FIRRM: variants seen among roughly 807,000 people sequenced by gnomAD.
FIRRM encodes the protein FIGNL1-interacting regulator of recombination and mitosis.
At chr1:169,823,537 T>A in the FIRRM span, 2 of 874,008 alleles carry the variant, frequency 2.3e-6, no homozygotes, top group Non-Finnish European at 3.5e-6. Context: ...AGTGCTTAAG[T>A]ACCTACCATT....
chr1:169,821,612 G>T, the FIRRM span: 1 of 1,181,242 alleles, frequency 8.5e-7, no homozygotes, highest in Non-Finnish European at 1.2e-6. Flanking sequence ...TGTCTCATTT[G>T]TAAGCTTAGC....
the FIRRM span, among the ~76,000 whole-genome samples, chr1:169,844,501 C>T: frequency 6.6e-6 from 1 of 152,096 alleles, no homozygotes; most frequent in Non-Finnish European, 1.5e-5. Flanking sequence ...TGAAGATGAT[C>T]GAAGAGATGA....
chr1:169,853,578 G>T, the FIRRM span: 1 of 886,220 alleles, frequency 1.1e-6, no homozygotes, highest in Non-Finnish European at 1.8e-6. Context: ...AGTTGGCACA[G>T]ACTGGATAAT....
chr1:169,792,893 C>T, the FIRRM span: 1 of 1,614,112 alleles, frequency 6.2e-7, no homozygotes, highest in Non-Finnish European at 8.5e-7. Flanking sequence ...AGACCACTCA[C>T]CAGAAAAAAA....
At chr1:169,785,555 C>T in the FIRRM span, among the ~76,000 whole-genome samples, 58 of 152,048 alleles carry the variant, frequency 3.8e-4, no homozygotes, top group Non-Finnish European at 6.6e-4. Context: ...GTCCAGCAGC[C>T]GATCTCCTCT....
At chr1:169,852,959 T>TA in the FIRRM span, 1 of 1,613,954 alleles carries the variant, frequency 6.2e-7, no homozygotes, top group Admixed American at 1.7e-5. Flanking sequence ...ATGGATAAGC[T>TA]AAAACGTTAC....
At chr1:169,853,640 G>A in the FIRRM span, 1 of 1,531,544 alleles carries the variant, frequency 6.5e-7, no homozygotes, top group South Asian at 1.1e-5. Flanking sequence ...TTGTCCCAAA[G>A]CCTGCTTTTG....
the FIRRM span, chr1:169,853,786 A>G: frequency 6.2e-7 from 1 of 1,613,768 alleles, no homozygotes; most frequent in Non-Finnish European, 8.5e-7. Flanking sequence ...CAACAAAATA[A>G]AGCACACCAA....
At chr1:169,806,789 C>CTGAG in the FIRRM span, among the ~76,000 whole-genome samples, 121 of 152,332 alleles carry the variant, frequency 7.9e-4, no homozygotes, top group Non-Finnish European at 3.2e-4. Context: ...TTTACTCCTT[C>CTGAG]TGAGCCCTTG....
chr1:169,852,608 A>G, the FIRRM span: 1 of 623,274 alleles, frequency 1.6e-6, no homozygotes, highest in Non-Finnish European at 2.8e-6. Flanking sequence ...AATTGCTATG[A>G]TAAACCAAAA....
chr1:169,830,448 T>A, the FIRRM span: 2 of 1,065,500 alleles, frequency 1.9e-6, no homozygotes, highest in Non-Finnish European at 2.8e-6. Flanking sequence ...AATAATCCTT[T>A]AAAAATAATT....
the FIRRM span, chr1:169,842,581 A>G: frequency 5.0e-6 from 8 of 1,596,998 alleles, no homozygotes; most frequent in Admixed American, 5.3e-5. Context: ...AAAAATAGAA[A>G]ATATCAAAAA....
At chr1:169,809,734 CA>C in the FIRRM span, among the ~76,000 whole-genome samples, 1 of 152,134 alleles carries the variant, frequency 6.6e-6, no homozygotes, top group Non-Finnish European at 1.5e-5. Flanking sequence ...GCTTACTGTC[CA>C]TTGCCTGAAA....
At chr1:169,813,956 ACT>A in the FIRRM span, among the ~76,000 whole-genome samples, 36 of 152,244 alleles carry the variant, frequency 2.4e-4, no homozygotes, top group African/African-American at 8.7e-4. Flanking sequence ...AGGCCTGTTG[ACT>A]CTGTTTTAGT....
the FIRRM span, among the ~76,000 whole-genome samples, chr1:169,804,589 G>A: frequency 0.19 from 28,233 of 151,946 alleles, 2,787 homozygotes; most frequent in South Asian, 0.26. Flanking sequence ...ATATAAATAC[G>A]TGCATATGTG....
chr1:169,844,277 C>G, the FIRRM span, among the ~76,000 whole-genome samples: 2 of 152,210 alleles, frequency 1.3e-5, no homozygotes, highest in Non-Finnish European at 2.9e-5. Context: ...CTAGGGAACC[C>G]TTGTGGTGCC....
the FIRRM span, chr1:169,821,904 A>G: frequency 1.1e-4 from 55 of 494,542 alleles, 1 homozygote; most frequent in Admixed American, 6.5e-4. Context: ...TAAGGCTGGG[A>G]TTTAAGTACA....
the FIRRM span, among the ~76,000 whole-genome samples, chr1:169,848,021 T>G: frequency 5.9e-5 from 9 of 152,152 alleles, no homozygotes; most frequent in African/African-American, 2.2e-4. Context: ...GATACACAAA[T>G]AATTAGTTGG....
the FIRRM span, among the ~76,000 whole-genome samples, chr1:169,809,230 C>T: frequency 4.6e-5 from 7 of 152,116 alleles, no homozygotes; most frequent in Non-Finnish European, 1.0e-4. Context: ...CTTTATCTCA[C>T]CTGCCCCTCC....
Sources: gnomAD v4.1 joint callset for allele counts (sites outside exome capture counted in the v4.1 genomes callset) on GRCh38, gnomAD v4.1.1 for gene constraint, MANE v1.5 for transcripts, NCBI Gene and HGNC (gene_info 2026-07-23, HGNC 2026-07-21) for gene names.